The following PSEN1 variants were observed in gnomAD, a reference collection of about 807,000 sequenced individuals.
PSEN1 encodes presenilin-1.
In PSEN1, 15 loss-of-function variants were observed where a neutral mutation model predicts 53.5. The ratio of observed to expected loss-of-function variants is 0.28; its 90% confidence interval spans 0.19 to 0.43. The LOEUF (loss-of-function observed/expected upper bound fraction) is 0.43, where lower values mean the gene tolerates loss of function less well. PSEN1 is among the 20% of genes least tolerant of loss of function. The probability of loss-of-function intolerance (pLI) is 1.00; values close to 1 mark genes in which losing one functional copy is unlikely to be tolerated. For missense variants in PSEN1, 387 were observed against 571.2 expected, an observed-to-expected ratio of 0.68 and a Z score of 3.29; for synonymous variants, 208 against 209.8, an observed-to-expected ratio of 0.99 and a Z score of 0.08.
chr14:73,197,495 C>T (rs1318628170), intron 7 of PSEN1, among the ~76,000 whole-genome samples: 1 of 152,178 alleles, frequency 6.6e-6, no homozygotes, highest in African/African-American at 2.4e-5. Flanking sequence ...TCAAGTACTT[C>T]TCAGTAGTAC....
chr14:73,174,453 C>T (rs996753451), intron 5 of PSEN1, among the ~76,000 whole-genome samples: 1 of 152,164 alleles, frequency 6.6e-6, no homozygotes, highest in Non-Finnish European at 1.5e-5. Flanking sequence ...ACACTGGTCT[C>T]GAACTCCTGG....
At chr14:73,152,769 A>C (rs115909396) in intron 3 of PSEN1, among the ~76,000 whole-genome samples, 3,977 of 152,230 alleles carry the variant, frequency 0.026, 175 homozygotes, top group African/African-American at 0.092. Flanking sequence ...TTCGCTGGGC[A>C]TGGTGGCTCA....
At chr14:73,214,987 C>T (rs1200429914) in intron 10 of PSEN1, among the ~76,000 whole-genome samples, 2 of 151,872 alleles carry the variant, frequency 1.3e-5, no homozygotes, top group African/African-American at 4.8e-5. Context: ...TTTTTTGAGA[C>T]AATTTCGCTC....
intron 5 of PSEN1, among the ~76,000 whole-genome samples, chr14:73,177,601 G>C (rs148927215): frequency 5.9e-5 from 9 of 152,226 alleles, no homozygotes; most frequent in Non-Finnish European, 7.4e-5. Flanking sequence ...TTCCCCTTAG[G>C]ATGTTTTAAT....
chr14:73,149,932 G>A (rs189731347), intron 3 of PSEN1, among the ~76,000 whole-genome samples: 1 of 152,296 alleles, frequency 6.6e-6, no homozygotes, highest in African/African-American at 2.4e-5. Context: ...GTGACGAGCT[G>A]CTATAGCCTG....
At chr14:73,146,597 A>G (rs1305839407) in intron 1 of PSEN1, among the ~76,000 whole-genome samples, 2 of 152,338 alleles carry the variant, frequency 1.3e-5, no homozygotes, top group Non-Finnish European at 2.9e-5. Context: ...AAAAATGTGT[A>G]ATGATTTGAA....
chr14:73,198,753 G>A (rs1208508916), intron 8 of PSEN1, among the ~76,000 whole-genome samples: 1 of 152,064 alleles, frequency 6.6e-6, no homozygotes, highest in Non-Finnish European at 1.5e-5. Context: ...GAAAGGTGAT[G>A]AAGAAAAAAT....
Position 73,148,017 on chromosome 14 carries a change from C to G in PSEN1, c.-3C>G. ...GAAACAGTATTTCTATACAGTTGCT[C>G]CAATGACAGAGTTACCTGCACCGTT... On this transcript the variant is annotated 5_prime_UTR_variant, in exon 3 of 12. Transcript: ENST00000324501. 2.5e-6 allele frequency: 4 copies of G among 1,611,340 alleles called. No homozygotes were observed. In the South Asian group the frequency reaches 3.3e-5, roughly 13 times the overall value.
chr14:73,219,790 C>G lies in PSEN1; in HGVS notation c.*501C>G, dbSNP rs1900074414. On this transcript the variant is annotated 3_prime_UTR_variant, in exon 12 of 12. Coordinates refer to ENST00000324501, the MANE Select transcript of PSEN1 (RefSeq NM_000021.4). Reference sequence around the variant, plus strand: ...AGGTACTGTGAGGAAGAGCAGGCACCAGCAGCAGAATGGGGAATGGAGAGG... The same window carrying G: ...AGGTACTGTGAGGAAGAGCAGGCACGAGCAGCAGAATGGGGAATGGAGAGG... 6.1e-6 allele frequency: 1 copy of G among 163,382 alleles called. No individual in the cohort carries two copies. The highest frequency in any genetic ancestry group is 1.3e-5 in the Non-Finnish European group (1 of 74,740). 10.1% of individuals were successfully genotyped at this position (163,382 alleles called of 1,614,324 possible).
rs369075999 is a variant in PSEN1 at position 73,182,817 on chromosome 14, C to T, written c.481-4036C>T. Among the ~76,000 whole-genome samples the T allele has an allele frequency of 3.2e-4, 48 of 151,584 alleles. 1 individual carries two copies. The South Asian group carries it at 9.4e-3, about 30-fold the overall frequency. On this transcript the variant is annotated intron_variant, in intron 5 of 11. Transcript: ENST00000324501. The stretch of plus-strand genomic sequence containing the variant: ...CCATGCTACTGCACTCCAGCCTGGG[C>T]GACAAAGTGAGGCTTCATCTCCCAA...
At chr14:73,145,488 C>T (rs925380647) in intron 1 of PSEN1, among the ~76,000 whole-genome samples, 1 of 151,650 alleles carries the variant, frequency 6.6e-6, no homozygotes, top group Non-Finnish European at 1.5e-5. Context: ...GCACCCACCA[C>T]CCACACCCAG....
At chr14:73,149,172 G>C (rs534401313) in intron 3 of PSEN1, among the ~76,000 whole-genome samples, 102 of 152,066 alleles carry the variant, frequency 6.7e-4, no homozygotes, top group Non-Finnish European at 9.7e-4. Context: ...CAGGCAATAA[G>C]GTCTGGATCA....
chr14:73,191,411 G>GTA (rs1898709447), intron 6 of PSEN1, among the ~76,000 whole-genome samples: 2 of 152,008 alleles, frequency 1.3e-5, no homozygotes, highest in Non-Finnish European at 2.9e-5. Flanking sequence ...GTGTGTGTGT[G>GTA]TATGATGATT....
chr14:73,218,631 A>AC (rs1192377199), intron 11 of PSEN1, among the ~76,000 whole-genome samples: 1 of 152,020 alleles, frequency 6.6e-6, no homozygotes, highest in African/African-American at 2.4e-5. Context: ...CCTGTGCGGG[A>AC]AGAATGCTCC....
At chr14:73,159,444 C>A (rs764907374) in intron 3 of PSEN1, among the ~76,000 whole-genome samples, 1 of 152,162 alleles carries the variant, frequency 6.6e-6, no homozygotes, top group Non-Finnish European at 1.5e-5. Context: ...GCATTTTCTT[C>A]TGGAAGCTTT....
chr14:73,139,544 C>G (rs1896857220), intron 1 of PSEN1: 1 of 151,962 alleles, frequency 6.6e-6, no homozygotes, highest in Non-Finnish European at 1.5e-5. Flanking sequence ...CATGCCACTG[C>G]ACTCCAGACT....
chr14:73,185,424 C>G (rs1029807535), intron 5 of PSEN1, among the ~76,000 whole-genome samples: 8 of 152,198 alleles, frequency 5.3e-5, no homozygotes, highest in African/African-American at 1.4e-4. Context: ...GCCAACACAG[C>G]GAAACCCCGT....
At position 73,173,693 on chromosome 14, in the gene PSEN1, T is replaced by A; in HGVS notation, c.466T>A (p.Tyr156Asn). ...TATCCTCCTGGTGGTTCTGTATAAA[T>A]ACAGGTGCTATAAGGTGAGCATGAG... Reference protein sequence around the residue: ...MTILLVVLYKYRCYKVIHAWL... With the variant: ...MTILLVVLYKNRCYKVIHAWL... The change falls in exon 5 of 12, where the codon TAC (tyrosine) becomes AAC (asparagine). Residue 156 changes from tyrosine (Y) to asparagine (N), a missense_variant. Physicochemically the swap from Tyr to Asn is moderately radical, Grantham distance 143 (BLOSUM62 -2). This residue lies in a region of PSEN1 where 169 missense variants were observed against 299.7 expected (regional missense o/e 0.56). Coordinates refer to ENST00000324501, the MANE Select transcript of PSEN1 (RefSeq NM_000021.4). The A allele has an allele frequency of 6.2e-7, 1 of 1,614,196 alleles. No individual in the cohort carries two copies. Among genetic ancestry groups the A allele is most frequent in the South Asian group, 1.1e-5 (1 of 91,086 alleles).
intron 8 of PSEN1, among the ~76,000 whole-genome samples, chr14:73,202,566 G>T: frequency 7.4e-6 from 1 of 135,796 alleles, no homozygotes. Context: ...TCCACCTCCC[G>T]GGTTCACGCC....
Sources: gnomAD v4.1 joint callset for allele counts (sites outside exome capture counted in the v4.1 genomes callset) on GRCh38, gnomAD v4.1.1 for gene constraint, gnomAD v4.1.1 regional missense constraint, MANE v1.5 for transcripts, NCBI Gene and HGNC (gene_info 2026-07-23, HGNC 2026-07-21) for gene names.